BPIFB4: variants seen among roughly 807,000 people sequenced by gnomAD.
BPIFB4 encodes the protein BPI fold containing family B member 4, also known as BPI fold-containing family B member 4.
A neutral mutation model predicts 69.2 loss-of-function variants in BPIFB4; 62 were observed. The observed-to-expected ratio is 0.90, with a 90% CI of 0.73 to 1.11. The LOEUF (loss-of-function observed/expected upper bound fraction) is 1.11. Ranked by LOEUF, BPIFB4 falls within the 50% of genes least tolerant of loss-of-function variation. The pLI, the probability that BPIFB4 is intolerant of heterozygous loss-of-function variation, is 0.00. For synonymous variants in BPIFB4, 330 were observed against 332.7 expected, an observed-to-expected ratio of 0.99 and a Z score of 0.09; for missense variants, 789 against 792.0, an observed-to-expected ratio of 1.00 and a Z score of 0.04.
rs751636811 is a variant in BPIFB4 at position 33,082,993 on chromosome 20, G to A, written c.162G>A (p.Val54=). The change falls in exon 4 of 18, where the codon GTG becomes GTA. Residue 54 remains valine (V), a synonymous_variant. Transcript: ENST00000375483. ...SDALHSALRE[V]PLGVGDIPYN... ...CTCTCCACTCGGCCCTGAGAGAGGT[G>A]CCCTTGGGTAAAGCCCGTGGTGATG... 1.9e-6 allele frequency: 3 copies of A among 1,612,262 alleles called. No individual in the cohort carries two copies. In the Admixed American group the frequency reaches 5.0e-5, roughly 27 times the overall value.
chr20:33,086,186 A>T, intron 7 of BPIFB4, 22 bp downstream of exon 7: 1 of 1,596,508 alleles, frequency 6.3e-7, no homozygotes, highest in South Asian at 1.1e-5. Flanking sequence ...CCGGCAGTGG[A>T]GTGCCTTGGG....
At chr20:33,093,528 A>G (rs1393765393) in intron 11 of BPIFB4, among the ~76,000 whole-genome samples, 3 of 144,912 alleles carry the variant, frequency 2.1e-5, no homozygotes, top group Non-Finnish European at 4.5e-5. Context: ...TCATTCATCC[A>G]TCCACTCATC....
In BPIFB4 at chr20:33,100,294, C is replaced by T; in HGVS notation, c.1570-132C>T. 4.8e-5 allele frequency: 33 copies of T among 690,170 alleles called. No individual in the cohort carries two copies. In the South Asian group the frequency reaches 6.7e-4, roughly 14 times the overall value. The allele number at this position is 690,170 out of a possible 1,614,324, so 42.8% of individuals were successfully genotyped here. On this transcript the variant is annotated intron_variant, in intron 13 of 17. Coordinates refer to ENST00000375483, the MANE Select transcript of BPIFB4 (RefSeq NM_182519.3). ...TTATAAAAGGAGGTCTGACCCAGGCCTCGGGGAACAACCTGCCATCATGCT... is the reference window on the plus strand; with the variant it reads ...TTATAAAAGGAGGTCTGACCCAGGCTTCGGGGAACAACCTGCCATCATGCT...
chr20:33,103,111 G>A, intron 15 of BPIFB4, 97 bp downstream of exon 15: 6 of 1,413,146 alleles, frequency 4.2e-6, no homozygotes, highest in Non-Finnish European at 6.0e-6. Flanking sequence ...GGCTGGGCAT[G>A]GGGAGTTTGT....
At position 33,098,920 on chromosome 20, in the gene BPIFB4, A is replaced by C. The variant is rs1981829784; in HGVS notation, c.1569+1133A>C. ...CACTGTCTGACCTCAGGGCCTTTGC[A>C]GATGCTGTTCCCTCTGCCTGGGATG... On this transcript the variant is annotated intron_variant, in intron 13 of 17. Transcript: ENST00000375483. Among the ~76,000 whole-genome samples the C allele has an allele frequency of 2.0e-5, 3 of 151,320 alleles. No homozygotes were observed. In the South Asian group the frequency reaches 6.3e-4, roughly 32 times the overall value.
chr20:33,093,402 C>T (rs1164810126), intron 11 of BPIFB4, among the ~76,000 whole-genome samples: 3 of 151,106 alleles, frequency 2.0e-5, no homozygotes, highest in African/African-American at 4.9e-5. Flanking sequence ...CACCCACCCA[C>T]CCATCCACCA....
chr20:33,084,833 C>T (rs1048925279), intron 5 of BPIFB4, 59 bp from the exon 6 acceptor site: 24 of 1,569,984 alleles, frequency 1.5e-5, no homozygotes, highest in South Asian at 4.6e-5. Context: ...GGAGGGCGCT[C>T]GGGTGAGTGG....
At chr20:33,092,101 C>G (rs1981616164) in intron 10 of BPIFB4, among the ~76,000 whole-genome samples, 2 of 152,158 alleles carry the variant, frequency 1.3e-5, no homozygotes, top group Non-Finnish European at 2.9e-5. Context: ...GAGAGGTCTC[C>G]TGGAGCAGAT....
At chr20:33,101,341 C>T (rs1235073361) in intron 14 of BPIFB4, among the ~76,000 whole-genome samples, 2 of 152,122 alleles carry the variant, frequency 1.3e-5, no homozygotes, top group African/African-American at 2.4e-5. Flanking sequence ...CGCTTTGGAG[C>T]CAAGCAATAT....
intron 9 of BPIFB4, 73 bp from the exon 10 acceptor site, chr20:33,090,635 G>A: frequency 1.9e-6 from 3 of 1,591,326 alleles, no homozygotes; most frequent in Non-Finnish European, 2.6e-6. Context: ...TCCATCCCCA[G>A]CCCCAGTGTA....
chr20:33,092,750 T>G (rs1237812914), intron 11 of BPIFB4, 92 bp downstream of exon 11: 3 of 1,280,564 alleles, frequency 2.3e-6, no homozygotes, highest in Non-Finnish European at 3.3e-6. Context: ...GAATTTGCTG[T>G]GAAGTGAGAA....
intron 13 of BPIFB4, among the ~76,000 whole-genome samples, chr20:33,099,321 A>G (rs1248607359): frequency 6.6e-6 from 1 of 152,080 alleles, no homozygotes. Flanking sequence ...GCCTTATAAG[A>G]TGGTCGATTA....
At position 33,081,556 on chromosome 20, in the gene BPIFB4, G is replaced by C. The variant is rs759873534; in HGVS notation, c.30G>C (p.Leu10=). 6.4e-6 allele frequency: 10 copies of C among 1,551,740 alleles called. No homozygotes were observed. In the South Asian group the frequency reaches 1.1e-4, roughly 17 times the overall value. Residue 10 remains leucine (L), a synonymous_variant, in exon 3 of 18, where the codon CTG becomes CTC. Coordinates refer to ENST00000375483, the MANE Select transcript of BPIFB4 (RefSeq NM_182519.3). ...GGATGGCCTGGTGTGTGGCTGCGCTGTCTGTGGTGGCTGTGTGTGGCACCA... is the reference window on the plus strand; with the variant it reads ...GGATGGCCTGGTGTGTGGCTGCGCTCTCTGTGGTGGCTGTGTGTGGCACCA... MWMAWCVAA[L]SVVAVCGTSH...
At chr20:33,109,331 A>T (rs751644956) in intron 17 of BPIFB4, among the ~76,000 whole-genome samples, 1 of 152,190 alleles carries the variant, frequency 6.6e-6, no homozygotes, top group African/African-American at 2.4e-5. Flanking sequence ...ATTTACTGAG[A>T]TGTTCAGTGC....
At chr20:33,096,311 C>T (rs1439502557) in intron 12 of BPIFB4, among the ~76,000 whole-genome samples, 4 of 152,104 alleles carry the variant, frequency 2.6e-5, no homozygotes, top group Non-Finnish European at 5.9e-5. Context: ...AGTCTTGCTG[C>T]GTTGCCTAGG....
intron 14 of BPIFB4, among the ~76,000 whole-genome samples, chr20:33,102,110 G>A (rs1373611136): frequency 6.6e-6 from 1 of 152,196 alleles, no homozygotes; most frequent in African/African-American, 2.4e-5. Context: ...CAAGAGCTGG[G>A]TATTTCCTGC....
In BPIFB4 at chr20:33,111,681, G is replaced by C; in HGVS notation, c.*244G>C. On this transcript the variant is annotated 3_prime_UTR_variant, in exon 18 of 18. Transcript: ENST00000375483. Reference sequence around the variant, plus strand: ...GAGGGGAGTCACCTTGGGGCTGGAGGCCTCTCAGACCCCATCCTGACAGCA... The same window carrying C: ...GAGGGGAGTCACCTTGGGGCTGGAGCCCTCTCAGACCCCATCCTGACAGCA... 1.8e-6 allele frequency: 1 copy of C among 544,830 alleles called. No homozygotes were observed. Among genetic ancestry groups the C allele is most frequent in the Non-Finnish European group, 3.3e-6 (1 of 302,836 alleles). The allele number at this position is 544,830 out of a possible 1,614,324, so 33.7% of individuals were successfully genotyped here. A position where few individuals can be genotyped will look rare whatever the true frequency, so the allele number is the denominator to read the frequency against.
chr20:33,111,298 G>GT, intron 17 of BPIFB4, 116 bp from the exon 18 acceptor site: 1 of 1,387,466 alleles, frequency 7.2e-7, no homozygotes, highest in Non-Finnish European at 1.0e-6. Context: ...TATCTCCGCT[G>GT]TTCAGAGTTA....
At chr20:33,096,621 G>A (rs1270389886) in intron 12 of BPIFB4, among the ~76,000 whole-genome samples, 1 of 152,122 alleles carries the variant, frequency 6.6e-6, no homozygotes, top group African/African-American at 2.4e-5. Flanking sequence ...CTATCCACAG[G>A]ACCAAAGAGG....
Sources: allele counts gnomAD v4.1 joint callset (sites outside exome capture counted in the v4.1 genomes callset), GRCh38; gene constraint gnomAD v4.1.1; transcripts MANE v1.5; gene names NCBI Gene and HGNC (gene_info 2026-07-23, HGNC 2026-07-21).